Variants in ERBB4 observed in about 807,000 individuals in gnomAD.
The protein encoded by ERBB4 is receptor tyrosine-protein kinase erbB-4.
A neutral mutation model predicts 158.0 loss-of-function variants in ERBB4; 42 were observed. That is an observed-to-expected ratio of 0.27 (90% CI 0.21 to 0.34). The LOEUF is 0.34. ERBB4 is among the 10% of genes least tolerant of loss of function. ERBB4 has a pLI of 1.00. For missense variants in ERBB4, 1,333 were observed against 1,624.1 expected, an observed-to-expected ratio of 0.82 and a Z score of 3.08; for synonymous variants, 583 against 558.7, an observed-to-expected ratio of 1.04 and a Z score of -0.61.
intron 20 of ERBB4, among the ~76,000 whole-genome samples, chr2:211,458,831 A>G (rs926174145): frequency 6.6e-6 from 1 of 152,176 alleles, no homozygotes; most frequent in African/African-American, 2.4e-5. Flanking sequence ...AGCCATCACC[A>G]ATACTTCCTG....
At chr2:212,451,889 G>C (rs1560363519) in intron 1 of ERBB4, among the ~76,000 whole-genome samples, 1 of 152,080 alleles carries the variant, frequency 6.6e-6, no homozygotes, top group African/African-American at 2.4e-5. Context: ...ATTTACATGT[G>C]AGGGGCAACT....
At chr2:211,738,516 C>T (rs189506674) in intron 5 of ERBB4, among the ~76,000 whole-genome samples, 1 of 151,756 alleles carries the variant, frequency 6.6e-6, no homozygotes, top group Non-Finnish European at 1.5e-5. Context: ...CTACAGGTGT[C>T]TCTGCCACCA....
intron 1 of ERBB4, among the ~76,000 whole-genome samples, chr2:212,480,313 CTTGG>C (rs1689625143): frequency 6.6e-6 from 1 of 152,018 alleles, no homozygotes; most frequent in Non-Finnish European, 1.5e-5. Flanking sequence ...ATGTAAAAAG[CTTGG>C]CACATTGAAA....
chr2:212,260,081 A>AAAG (rs1553606478), intron 1 of ERBB4, among the ~76,000 whole-genome samples: 5 of 148,808 alleles, frequency 3.4e-5, no homozygotes, highest in Admixed American at 2.0e-4. Context: ...AAAAAAAAAA[A>AAAG]AAAAGAAAAG....
At chr2:211,505,686 C>T (rs75689201) in intron 20 of ERBB4, among the ~76,000 whole-genome samples, 21,480 of 152,046 alleles carry the variant, frequency 0.14, 1,983 homozygotes, top group East Asian at 0.39. Context: ...AGGGGCTGGG[C>T]ATGGTGGCTC....
At chr2:212,474,822 C>CTTTGTTTTTTTTTTTTT (rs1689296826) in intron 1 of ERBB4, among the ~76,000 whole-genome samples, 1 of 94,412 alleles carries the variant, frequency 1.1e-5, no homozygotes, top group Admixed American at 1.1e-4. Flanking sequence ...CCCGGCCATT[C>CTTTGTTTTTTTTTTTTT]TTTTTTTTTT....
chr2:211,914,973 T>C (rs1027922057), intron 3 of ERBB4, among the ~76,000 whole-genome samples: 7 of 152,158 alleles, frequency 4.6e-5, no homozygotes, highest in African/African-American at 1.7e-4. Context: ...GAATATTGTC[T>C]ATCTTTATAT....
chr2:211,529,821 C>CT (rs2066447843), intron 20 of ERBB4, among the ~76,000 whole-genome samples: 2 of 151,994 alleles, frequency 1.3e-5, no homozygotes, highest in African/African-American at 4.8e-5. Flanking sequence ...CCCTGAAAAA[C>CT]TAAGTGTAGA....
intron 2 of ERBB4, among the ~76,000 whole-genome samples, chr2:211,996,049 C>T (rs1014771845): frequency 1.3e-5 from 2 of 152,062 alleles, no homozygotes; most frequent in African/African-American, 4.8e-5. Flanking sequence ...TGATCTTTGC[C>T]TTGCAGTCCT....
At chr2:212,357,075 G>C (rs1201895302) in intron 1 of ERBB4, among the ~76,000 whole-genome samples, 2 of 151,766 alleles carry the variant, frequency 1.3e-5, no homozygotes, top group Admixed American at 1.3e-4. Flanking sequence ...TTATACATAA[G>C]TGTCTTATCC....
At chr2:211,398,613 C>T (rs769811104) in intron 25 of ERBB4, among the ~76,000 whole-genome samples, 17 of 152,002 alleles carry the variant, frequency 1.1e-4, no homozygotes, top group Non-Finnish European at 1.9e-4. Flanking sequence ...GAGGCCGAGG[C>T]GGGCAGATCA....
In ERBB4 at chr2:212,115,333, C is replaced by CT. The variant is rs902816248; in HGVS notation, c.234+9418dup. ...AATTGTTCATCAAGTTTAAATCTGT[C>CT]TTTTTTTTGAAAGAAAACAAAGTGT... On this transcript the variant is annotated intron_variant, in intron 2 of 27. Transcript: ENST00000342788. 6.0e-5 allele frequency among the ~76,000 whole-genome samples: 9 copies of CT among 151,060 alleles called. No homozygotes were observed. The South Asian group carries it at 6.3e-4, about 11-fold the overall frequency.
At chr2:211,606,670 T>TA (rs2068990254) in intron 19 of ERBB4, among the ~76,000 whole-genome samples, 2 of 152,124 alleles carry the variant, frequency 1.3e-5, no homozygotes, top group South Asian at 4.1e-4. Flanking sequence ...CCCAGTAAAA[T>TA]AAGAGAATTC....
intron 10 of ERBB4, 102 bp downstream of exon 10, chr2:211,705,216 T>G: frequency 1.2e-6 from 1 of 823,136 alleles, no homozygotes; most frequent in Non-Finnish European, 2.1e-6. Context: ...CCTCCCTAAG[T>G]GCTGGGATTA....
At chr2:211,927,439 A>T (rs181640400) in intron 3 of ERBB4, among the ~76,000 whole-genome samples, 1 of 152,170 alleles carries the variant, frequency 6.6e-6, no homozygotes, top group Non-Finnish European at 1.5e-5. Context: ...TTTTTTTAGG[A>T]CACAAAAGTA....
At chr2:211,489,071 T>C (rs537390206) in intron 20 of ERBB4, among the ~76,000 whole-genome samples, 2 of 152,172 alleles carry the variant, frequency 1.3e-5, no homozygotes, top group South Asian at 4.1e-4. Flanking sequence ...GTAGAACATA[T>C]TTTGATTCAG....
intron 2 of ERBB4, among the ~76,000 whole-genome samples, chr2:211,962,117 T>G (rs2081194603): frequency 6.6e-6 from 1 of 152,116 alleles, no homozygotes; most frequent in Non-Finnish European, 1.5e-5. Context: ...CCAAACTACT[T>G]AAGCTATGTA....
intron 1 of ERBB4, among the ~76,000 whole-genome samples, chr2:212,279,257 G>A (rs532862883): frequency 1.3e-4 from 20 of 151,456 alleles, no homozygotes; most frequent in Admixed American, 2.6e-4. Context: ...TAAAATATCA[G>A]ATTTAATATT....
intron 12 of ERBB4, among the ~76,000 whole-genome samples, chr2:211,691,752 G>A (rs2072830046): frequency 6.6e-6 from 1 of 151,982 alleles, no homozygotes; most frequent in African/African-American, 2.4e-5. Flanking sequence ...AGGGGTGGGG[G>A]AAAGGGGCAA....
Sources: gnomAD v4.1 joint callset for allele counts (sites outside exome capture counted in the v4.1 genomes callset) on GRCh38, gnomAD v4.1.1 for gene constraint, MANE v1.5 for transcripts, NCBI Gene and HGNC (gene_info 2026-07-23, HGNC 2026-07-21) for gene names.